The following STIP1 variants were observed in gnomAD, a reference collection of about 807,000 sequenced individuals.
STIP1 encodes the protein stress-induced-phosphoprotein 1.
STIP1 carries 16 observed loss-of-function variants against 77.4 expected under a neutral mutation model. The ratio of observed to expected loss-of-function variants is 0.21; its 90% CI spans 0.14 to 0.31. STIP1 has a LOEUF of 0.31. Among genes scored for constraint, STIP1 ranks in the 10% least tolerant of loss-of-function variants. The probability of loss-of-function intolerance (pLI) is 1.00; values close to 1 mark genes in which losing one functional copy is unlikely to be tolerated. For synonymous variants in STIP1, 258 were observed against 246.6 expected (o/e 1.05, Z -0.44); for missense variants, 524 against 684.8 (o/e 0.77, Z 2.62).
chr11:64,188,067 C>T (rs1266289069), intron 1 of STIP1, among the ~76,000 whole-genome samples: 1 of 141,774 alleles, frequency 7.1e-6, no homozygotes, highest in Non-Finnish European at 1.5e-5. Flanking sequence ...AGGATCTCGG[C>T]TGGGCGCAGT....
rs992540234 is a variant in STIP1, at chr11:64,186,529, C to T, written c.9+259C>T. 6 of 239,576 alleles carry T rather than the reference C, an allele frequency of 2.5e-5. No individual in the cohort carries two copies. In the South Asian group the frequency reaches 9.8e-4, roughly 39 times the overall value. The allele number at this position is 239,576 out of a possible 1,614,324, so 14.8% of individuals were successfully genotyped here. On this transcript the variant is annotated intron_variant, in intron 1 of 13. Transcript: ENST00000305218. ...GCGGAGGCCACAGCTTGGGTGAGTC[C>T]GGCCGGCGGCGGGAAGAGGGGTCGC...
At chr11:64,185,843 A>G (rs557020966), upstream of STIP1, 11 of 1,536,116 alleles carry the variant, frequency 7.2e-6, no homozygotes, top group African/African-American at 1.2e-4. Context: ...CGGCAGCCCA[A>G]TGGGAGAGGT....
chr11:64,203,240 T>G lies in STIP1; in HGVS notation c.1386+12T>G, dbSNP rs767466050. 3 of 1,613,312 alleles carry G rather than the reference T, an allele frequency of 1.9e-6. No individual in the cohort carries two copies. Among genetic ancestry groups the G allele is most frequent in the African/African-American group, 2.7e-5 (2 of 74,958 alleles). ...ACTCCAGCTGTAAGGTGGGGCTGCTTCTGGCCTCCAGGGGCCCCCCCTGCC... is the reference window on the plus strand; with the variant it reads ...ACTCCAGCTGTAAGGTGGGGCTGCTGCTGGCCTCCAGGGGCCCCCCCTGCC... On this transcript the variant is annotated intron_variant, in intron 12 of 13. Transcript: ENST00000305218.
intron 4 of STIP1, among the ~76,000 whole-genome samples, chr11:64,195,270 C>T (rs908045722): frequency 1.1e-4 from 17 of 152,076 alleles, no homozygotes; most frequent in African/African-American, 3.9e-4. Context: ...TACGCCACCA[C>T]GCCCAGCTAA....
In STIP1 at chr11:64,200,296, G is replaced by C. The variant is rs768655776; in HGVS notation, c.1245+3G>C. ...TGGAGTTCCAGCTGGCACTCAAGGT[G>C]ACGAGACCTGTGGGGGCGGCCATTA... On this transcript the variant is annotated splice_donor_region_variant and intron_variant, in intron 10 of 13. Coordinates refer to ENST00000305218, the MANE Select transcript of STIP1 (RefSeq NM_006819.3). 6.2e-7 allele frequency: 1 copy of C among 1,608,326 alleles called. No individual in the cohort carries two copies. Among genetic ancestry groups the C allele is most frequent in the Admixed American group, 1.7e-5 (1 of 58,204 alleles).
chr11:64,186,597 T>C (rs1477769496), intron 1 of STIP1: 1 of 125,670 alleles, frequency 8.0e-6, no homozygotes, highest in African/African-American at 3.3e-5. Context: ...CTGCGGGCCA[T>C]GTTGGGGAGG....
Position 64,203,214 on chromosome 11 carries a change from G to T in STIP1, c.1372G>T (p.Asp458Tyr). 1.9e-6 allele frequency: 3 copies of T among 1,613,986 alleles called. No individual in the cohort carries two copies. The South Asian group carries it at 3.3e-5, about 18-fold the overall frequency. Reference sequence around the variant, plus strand: ...TGTGTACCAGAAGGCGCTAGACCTGGACTCCAGCTGTAAGGTGGGGCTGCT... The same window carrying T: ...TGTGTACCAGAAGGCGCTAGACCTGTACTCCAGCTGTAAGGTGGGGCTGCT... The part of the protein sequence containing the change: ...MDVYQKALDL[D>Y]SSCKEAADGY... The change falls in exon 12 of 14, where the codon GAC (aspartate) becomes TAC (tyrosine). Residue 458 changes from aspartate to tyrosine, a missense_variant. By Grantham distance (160) the Asp-to-Tyr change is radical. Coordinates refer to ENST00000305218, the MANE Select transcript of STIP1 (RefSeq NM_006819.3).
At chr11:64,199,380 C>T (rs1359934208) in intron 8 of STIP1, among the ~76,000 whole-genome samples, 2 of 148,706 alleles carry the variant, frequency 1.3e-5, no homozygotes, top group African/African-American at 2.5e-5. Flanking sequence ...GTGGTGGGCG[C>T]CTGCAGTCCC....
intron 1 of STIP1, among the ~76,000 whole-genome samples, chr11:64,187,320 C>A (rs1183914963): frequency 6.6e-6 from 1 of 152,060 alleles, no homozygotes; most frequent in Non-Finnish European, 1.5e-5. Context: ...TCCGAGAAAT[C>A]ATCCTCCCGC....
At chr11:64,198,838 G>A (rs1333849154) in intron 8 of STIP1, among the ~76,000 whole-genome samples, 1 of 147,352 alleles carries the variant, frequency 6.8e-6, no homozygotes, top group Non-Finnish European at 1.5e-5. Flanking sequence ...TGTGCATTGA[G>A]AATGTTAATA....
chr11:64,198,442 A>G (rs1389086514), intron 8 of STIP1, among the ~76,000 whole-genome samples: 1 of 151,580 alleles, frequency 6.6e-6, no homozygotes, highest in Non-Finnish European at 1.5e-5. Flanking sequence ...CAAACTCCTG[A>G]CCTCATGATC....
intron 1 of STIP1, among the ~76,000 whole-genome samples, chr11:64,189,934 C>T (rs1468956541): frequency 6.6e-6 from 1 of 151,754 alleles, no homozygotes; most frequent in Non-Finnish European, 1.5e-5. Flanking sequence ...TCTGCCCTTG[C>T]CTCTGTAAGG....
Position 64,193,134 on chromosome 11 carries a change from T to C in STIP1, c.66T>C (p.Asp22=). Residue 22 remains aspartate, a synonymous_variant, in exon 2 of 14, where the codon GAT becomes GAC. Coordinates refer to ENST00000305218, the MANE Select transcript of STIP1 (RefSeq NM_006819.3). ...NKALSVGNID[D]ALQCYSEAIK... ...CCCTGAGCGTGGGTAACATCGATGA[T>C]GCCTTACAGTGCTACTCCGAAGCTA... 1 of 1,614,198 alleles carries C rather than the reference T, an allele frequency of 6.2e-7. No homozygotes were observed. The highest frequency in any genetic ancestry group is 2.2e-5 in the East Asian group (1 of 44,878).
rs1295473858 is a variant in STIP1 at position 64,194,390 on chromosome 11, C to T, written c.361+60C>T. 5 of 1,610,198 alleles carry T rather than the reference C, an allele frequency of 3.1e-6. No homozygotes were observed. The African/African-American group carries it at 4.0e-5, about 13-fold the overall frequency. ...AATGTGATTAATTTTGAGTCTTCAC[C>T]CCTGAGAAATGTCAGTCTGGTAGGG... On this transcript the variant is annotated intron_variant, in intron 3 of 13. Coordinates refer to ENST00000305218, the MANE Select transcript of STIP1 (RefSeq NM_006819.3).
At chr11:64,186,927 T>A (rs1946028879) in intron 1 of STIP1, among the ~76,000 whole-genome samples, 1 of 152,166 alleles carries the variant, frequency 6.6e-6, no homozygotes, top group African/African-American at 2.4e-5. Context: ...CAAAAGTCCT[T>A]GGGACGAATT....
At chr11:64,191,705 G>A (rs969599442) in intron 1 of STIP1, among the ~76,000 whole-genome samples, 1 of 151,862 alleles carries the variant, frequency 6.6e-6, no homozygotes, top group African/African-American at 2.4e-5. Flanking sequence ...AGCTCAGTAA[G>A]GAGAAACCCT....
upstream of STIP1, chr11:64,186,107 C>T (rs1946010861): frequency 3.9e-6 from 6 of 1,550,342 alleles, no homozygotes; most frequent in Middle Eastern, 1.7e-4. Context: ...GCAGCACAGA[C>T]ATTCCCCCTA....
intron 1 of STIP1, among the ~76,000 whole-genome samples, chr11:64,189,367 A>AT (rs1242634980): frequency 1.7e-4 from 26 of 152,080 alleles, no homozygotes; most frequent in African/African-American, 5.8e-4. Context: ...TCAAAAAAAA[A>AT]AAATAAATAA....
chr11:64,202,936 C>A (rs1450219567), intron 11 of STIP1, 24 bp downstream of exon 11: 1 of 1,614,192 alleles, frequency 6.2e-7, no homozygotes. Context: ...TGCTGCCTGT[C>A]CCCTGTCTCT....
Sources: gnomAD v4.1 joint callset for allele counts (sites outside exome capture counted in the v4.1 genomes callset) on GRCh38, gnomAD v4.1.1 for gene constraint, MANE v1.5 for transcripts, NCBI Gene and HGNC (gene_info 2026-07-23, HGNC 2026-07-21) for gene names.